Variants in GRK5 observed in about 807,000 individuals in gnomAD.
GRK5 encodes the protein g protein-coupled receptor kinase GRK5.
GRK5 carries 40 observed loss-of-function variants against 78.4 expected under a neutral mutation model. That is an observed-to-expected ratio of 0.51 (90% confidence interval 0.40 to 0.66). GRK5 has a LOEUF of 0.66. GRK5 is among the 30% of genes least tolerant of loss of function. The probability of loss-of-function intolerance (pLI) is 0.00; values close to 1 mark genes in which losing one functional copy is unlikely to be tolerated. For synonymous variants in GRK5, 289 were observed against 296.8 expected (o/e 0.97, Z 0.27); for missense variants, 598 against 759.9 (o/e 0.79, Z 2.50).
intron 1 of GRK5, among the ~76,000 whole-genome samples, chr10:119,247,136 C>T (rs61372161): frequency 0.078 from 11,871 of 152,258 alleles, 538 homozygotes; most frequent in Admixed American, 0.14. Flanking sequence ...CGTCCAACTC[C>T]AGACCTCTCT....
At chr10:119,359,780 C>G (rs1307436133) in intron 2 of GRK5, among the ~76,000 whole-genome samples, 1 of 152,206 alleles carries the variant, frequency 6.6e-6, no homozygotes, top group African/African-American at 2.4e-5. Flanking sequence ...TTAGAACATT[C>G]AAGTTTCTGC....
chr10:119,307,488 T>G (rs763549205), intron 1 of GRK5, among the ~76,000 whole-genome samples: 12 of 152,072 alleles, frequency 7.9e-5, no homozygotes, highest in Non-Finnish European at 1.6e-4. Context: ...TGATGCAGCT[T>G]GAGAAAGACC....
intron 2 of GRK5, chr10:119,330,275 C>G (rs1346315685): frequency 6.7e-6 from 1 of 149,696 alleles, no homozygotes; most frequent in Non-Finnish European, 1.5e-5. Context: ...GTGGGGAAGT[C>G]CAAGATGAAA....
chr10:119,426,298 G>A (rs1015468597), intron 6 of GRK5, among the ~76,000 whole-genome samples: 1 of 152,210 alleles, frequency 6.6e-6, no homozygotes, highest in Non-Finnish European at 1.5e-5. Flanking sequence ...TGACTGGTGG[G>A]GATGACAGCG....
At chr10:119,251,611 C>T (rs1849203034) in intron 1 of GRK5, among the ~76,000 whole-genome samples, 2 of 152,196 alleles carry the variant, frequency 1.3e-5, no homozygotes, top group Admixed American at 1.3e-4. Flanking sequence ...TTGCTGTCTT[C>T]TAAAGCGATG....
chr10:119,330,442 C>T (rs1418001110), intron 2 of GRK5: 3 of 150,418 alleles, frequency 2.0e-5, no homozygotes, highest in Non-Finnish European at 4.4e-5. Flanking sequence ...AGCACTAATC[C>T]TATTCATGAT....
In GRK5 at chr10:119,431,178, G is replaced by A. The variant is rs1261950811; in HGVS notation, c.598-209G>A. On this transcript the variant is annotated intron_variant, in intron 7 of 15. Transcript: ENST00000392870. This position sits in a 1 kb window ranked among gnomAD's most constrained non-coding sequence, Gnocchi z 4.8. Reference sequence around the variant, plus strand: ...AGGGCTGGGAATCCTTGAAGGAGAGGAGGAGGGAGGGCAAGGGCCCAGGAC... The same window carrying A: ...AGGGCTGGGAATCCTTGAAGGAGAGAAGGAGGGAGGGCAAGGGCCCAGGAC... 6.6e-6 allele frequency among the ~76,000 whole-genome samples: 1 copy of A among 152,166 alleles called. No homozygotes were observed. Among genetic ancestry groups the A allele is most frequent in the East Asian group, 1.9e-4 (1 of 5,180 alleles).
At chr10:119,265,215 T>C (rs185502963) in intron 1 of GRK5, among the ~76,000 whole-genome samples, 1 of 152,336 alleles carries the variant, frequency 6.6e-6, no homozygotes, top group African/African-American at 2.4e-5. Context: ...ATCTTGTTAA[T>C]TCCTTTCTGA....
Position 119,255,609 on chromosome 10 carries a change from C to T in GRK5, c.52+47640C>T, listed in dbSNP as rs567423215. Among the ~76,000 whole-genome samples the T allele has an allele frequency of 4.6e-5, 7 of 152,290 alleles. No individual in the cohort carries two copies. The South Asian group carries it at 8.3e-4, about 18-fold the overall frequency. ...TGAGACTCAGAGAGCTCTGTGGCTG[C>T]GCAAGGTCAGGGTAAAGGTGGGACT... On this transcript the variant is annotated intron_variant, in intron 1 of 15. Coordinates refer to ENST00000392870, the MANE Select transcript of GRK5 (RefSeq NM_005308.3).
intron 4 of GRK5, among the ~76,000 whole-genome samples, chr10:119,408,627 A>T (rs188196404): frequency 6.6e-6 from 1 of 152,190 alleles, no homozygotes; most frequent in Non-Finnish European, 1.5e-5. Context: ...TTCCATTTCT[A>T]TGAGGTATCT....
At chr10:119,396,941 C>T (rs1184963051) in intron 4 of GRK5, among the ~76,000 whole-genome samples, 169 bp downstream of exon 4, 1 of 152,236 alleles carries the variant, frequency 6.6e-6, no homozygotes, top group Non-Finnish European at 1.5e-5. Context: ...AGTGCCCAAG[C>T]CTGGCAGGGC....
At position 119,430,392 on chromosome 10, in the gene GRK5, A is replaced by G. The variant is rs1185853375; in HGVS notation, c.551A>G (p.Asn184Ser). Residue 184 changes from asparagine (N) to serine (S), a missense_variant, in exon 7 of 16, where the codon AAC (asparagine) becomes AGC (serine). By Grantham distance (46) the Asn-to-Ser change is conservative (BLOSUM62 1). Transcript: ENST00000392870. The surrounding 1 kb of genome is among the most constrained non-coding windows in gnomAD (Gnocchi z 4.5). Reference sequence around the variant, plus strand: ...TCTTCCAGGCAACCGGTGACCAAAAACACTTTCAGGCAGTATCGAGTGCTA... The same window carrying G: ...TCTTCCAGGCAACCGGTGACCAAAAGCACTTTCAGGCAGTATCGAGTGCTA... ...KWLERQPVTK[N>S]TFRQYRVLGK... is the part of the protein sequence containing the mutation. 5 of 1,613,486 alleles carry G rather than the reference A, an allele frequency of 3.1e-6. No homozygotes were observed. The South Asian group carries it at 3.3e-5, about 11-fold the overall frequency.
intron 4 of GRK5, among the ~76,000 whole-genome samples, chr10:119,411,074 A>G (rs752212128): frequency 6.6e-6 from 1 of 151,604 alleles, no homozygotes; most frequent in Non-Finnish European, 1.5e-5. Context: ...CCAGCTGAAG[A>G]AGCTTTCCGA....
chr10:119,434,633 G>A (rs1404932881), intron 8 of GRK5, among the ~76,000 whole-genome samples: 1 of 152,224 alleles, frequency 6.6e-6, no homozygotes, highest in African/African-American at 2.4e-5. Flanking sequence ...CCATCCCTGT[G>A]GCTTTGCAGG....
chr10:119,428,233 G>A lies in GRK5; in HGVS notation c.534-2142G>A, dbSNP rs375409037. Among the ~76,000 whole-genome samples the A allele has an allele frequency of 7.2e-5, 11 of 152,362 alleles. No homozygotes were observed. In the South Asian group the frequency reaches 1.0e-3, roughly 14 times the overall value. On this transcript the variant is annotated intron_variant, in intron 6 of 15. Coordinates refer to ENST00000392870, the MANE Select transcript of GRK5 (RefSeq NM_005308.3). ...ATGGGCTGCCTAGACCCCAACTCCA[G>A]CCCACCGCTACCAGCTAGGGCCTCG... is the stretch of plus-strand genomic sequence containing the variant.
chr10:119,399,477 C>G (rs537555377), intron 4 of GRK5, among the ~76,000 whole-genome samples: 2 of 152,178 alleles, frequency 1.3e-5, no homozygotes, highest in Non-Finnish European at 2.9e-5. Context: ...ATTGTCCTTG[C>G]CTTGGGACCC....
chr10:119,257,398 C>T (rs996615228), intron 1 of GRK5, among the ~76,000 whole-genome samples: 2 of 152,158 alleles, frequency 1.3e-5, no homozygotes, highest in African/African-American at 4.8e-5. Context: ...GTGGCACCAT[C>T]GCAGGTGGGA....
intron 2 of GRK5, among the ~76,000 whole-genome samples, chr10:119,339,834 G>A (rs1321941432): frequency 6.6e-6 from 1 of 152,130 alleles, no homozygotes; most frequent in African/African-American, 2.4e-5. Flanking sequence ...GGCAGAGGTT[G>A]CAGTGAGCTG....
Position 119,452,429 on chromosome 10 carries a change from G to C in GRK5, c.1405-242G>C. ...GGCTGCACTGTCATCTGGAGGGGTC[G>C]CACAAAAAAACCACAGGCCATCATC... On this transcript the variant is annotated intron_variant, in intron 13 of 15. Transcript: ENST00000392870. This position sits in a 1 kb window ranked among gnomAD's most constrained non-coding sequence, Gnocchi z 4.4. 1.9e-6 allele frequency: 1 copy of C among 516,912 alleles called. No homozygotes were observed. Among genetic ancestry groups the C allele is most frequent in the Non-Finnish European group, 3.5e-6 (1 of 287,278 alleles). The allele number at this position is 516,912 out of a possible 1,614,324, so 32.0% of individuals were successfully genotyped here.
Sources: gnomAD v4.1 joint callset for allele counts (sites outside exome capture counted in the v4.1 genomes callset) on GRCh38, gnomAD v4.1.1 for gene constraint, Gnocchi (gnomAD v3.1) non-coding constraint, MANE v1.5 for transcripts, NCBI Gene and HGNC (gene_info 2026-07-23, HGNC 2026-07-21) for gene names.